Variants in ANK3 observed in about 807,000 individuals in gnomAD.
ANK3 encodes the protein ankyrin-3.
A neutral mutation model predicts 370.9 loss-of-function variants in ANK3; 57 were observed. The ratio of observed to expected loss-of-function variants is 0.15; its 90% CI spans 0.12 to 0.19. ANK3 has a LOEUF of 0.19. Ranked by LOEUF, ANK3 falls within the 10% of genes least tolerant of loss-of-function variation. ANK3 has a pLI of 1.00. For synonymous variants in ANK3, 1,929 were observed against 1,946.3 expected (o/e 0.99, Z 0.23); for missense variants, 4,439 against 5,302.1 (o/e 0.84, Z 5.06).
chr10:60,618,153 T>G (rs2078288942), intron 1 of ANK3, among the ~76,000 whole-genome samples: 1 of 152,138 alleles, frequency 6.6e-6, no homozygotes, highest in African/African-American at 2.4e-5. Flanking sequence ...GGGGCCTGAA[T>G]GCACACCCAC....
intron 21 of ANK3, among the ~76,000 whole-genome samples, chr10:60,170,748 CTCTG>C (rs138496464): frequency 0.013 from 1,978 of 152,274 alleles, 51 homozygotes; most frequent in African/African-American, 0.045. Context: ...TGAGACCCTT[CTCTG>C]TCTTTCAGTT....
At chr10:60,032,194 CTTTTTTTTTTTTTT>C (rs552219776) in intron 43 of ANK3, among the ~76,000 whole-genome samples, 1 of 43,114 alleles carries the variant, frequency 2.3e-5, no homozygotes, top group Non-Finnish European at 4.5e-5. Flanking sequence ...TACACAGCTT[CTTTTTTTTTTTTTT>C]TTTTTTTTTT....
chr10:60,384,832 C>G (rs2062029479), intron 1 of ANK3, among the ~76,000 whole-genome samples: 1 of 152,154 alleles, frequency 6.6e-6, no homozygotes, highest in African/African-American at 2.4e-5. Context: ...TGGCAGTTAT[C>G]CTAGAATCCG....
intron 1 of ANK3, among the ~76,000 whole-genome samples, chr10:60,311,836 C>T (rs1037978928): frequency 5.9e-5 from 9 of 152,162 alleles, no homozygotes; most frequent in Non-Finnish European, 1.2e-4. Context: ...TTCCTGGCCA[C>T]TCAATCTAAA....
At chr10:60,173,731 A>G (rs1035317697) in intron 18 of ANK3, among the ~76,000 whole-genome samples, 1 of 152,172 alleles carries the variant, frequency 6.6e-6, no homozygotes, top group African/African-American at 2.4e-5. Flanking sequence ...TGAACAAGGT[A>G]TATCAAGTTA....
At chr10:60,538,353 CA>C (rs1293078281) in intron 2 of ANK3, among the ~76,000 whole-genome samples, 1 of 151,836 alleles carries the variant, frequency 6.6e-6, no homozygotes, top group African/African-American at 2.4e-5. Context: ...TCTTAAAAGC[CA>C]AATCCTCCCA....
At chr10:60,496,075 A>G (rs1450443241) in intron 2 of ANK3, among the ~76,000 whole-genome samples, 2 of 151,808 alleles carry the variant, frequency 1.3e-5, no homozygotes, top group African/African-American at 4.8e-5. Flanking sequence ...CTGGTATATG[A>G]TGGAGCTCAA....
At chr10:60,465,377 A>G (rs181656061) in intron 2 of ANK3, among the ~76,000 whole-genome samples, 129 of 152,374 alleles carry the variant, frequency 8.5e-4, no homozygotes, top group African/African-American at 2.8e-3. Flanking sequence ...TCCCATGCAC[A>G]TTGCACAAAA....
At chr10:60,577,908 T>C (rs2077702765) in intron 2 of ANK3, among the ~76,000 whole-genome samples, 1 of 152,204 alleles carries the variant, frequency 6.6e-6, no homozygotes. Flanking sequence ...GTGTGGGGCA[T>C]AAGGTGAAGC....
intron 2 of ANK3, among the ~76,000 whole-genome samples, chr10:60,547,678 GAGAGAGACAGAGACAGAGAC>G (rs1451863996): frequency 5.3e-5 from 8 of 151,902 alleles, no homozygotes; most frequent in Admixed American, 1.3e-4. Flanking sequence ...GAGACAGAGA[GAGAGAGACAGAGACAGAGAC>G]AGAGAGACAG....
In ANK3 at chr10:60,122,338, A is replaced by T. The variant is rs563653263; in HGVS notation, c.2842-8007T>A. ...CAGTCTCCTCTTCTCTCCAAAGCCTACTTCTGCAAAGAGTGTGCCTGGCCT... is the reference window on the plus strand; with the variant it reads ...CAGTCTCCTCTTCTCTCCAAAGCCTTCTTCTGCAAAGAGTGTGCCTGGCCT... On this transcript the variant is annotated intron_variant, in intron 25 of 43. Transcript: ENST00000280772. Among the ~76,000 whole-genome samples, 21 of 152,350 alleles carry T rather than the reference A, an allele frequency of 1.4e-4. No individual in the cohort carries two copies. In the South Asian group the frequency reaches 4.4e-3, roughly 32 times the overall value.
chr10:60,396,399 T>A (rs900114544), intron 2 of ANK3, among the ~76,000 whole-genome samples: 1 of 152,192 alleles, frequency 6.6e-6, no homozygotes, highest in African/African-American at 2.4e-5. Flanking sequence ...GAAATTCATT[T>A]AATAGTGAAG....
At chr10:60,335,292 T>C (rs969405169) in intron 1 of ANK3, among the ~76,000 whole-genome samples, 1 of 151,930 alleles carries the variant, frequency 6.6e-6, no homozygotes, top group Non-Finnish European at 1.5e-5. Flanking sequence ...TCCAAGCAGC[T>C]AGAAAAAAAG....
chr10:60,291,843 G>T (rs977449172), intron 1 of ANK3, among the ~76,000 whole-genome samples: 1 of 151,896 alleles, frequency 6.6e-6, no homozygotes, highest in Non-Finnish European at 1.5e-5. Context: ...CTCCCTAGTA[G>T]CCAGGTCTAC....
intron 2 of ANK3, among the ~76,000 whole-genome samples, chr10:60,607,614 T>G (rs182030214): frequency 6.6e-6 from 1 of 152,300 alleles, no homozygotes; most frequent in Admixed American, 6.5e-5. Flanking sequence ...GGCTGACATC[T>G]TAATTGCTGA....
At chr10:60,086,911 G>T (rs1203651891) in intron 29 of ANK3, 27 bp from the exon 30 acceptor site, 26 of 1,217,968 alleles carry the variant, frequency 2.1e-5, no homozygotes, top group Non-Finnish European at 2.7e-5. Context: ...GACTTTAAAT[G>T]AAAGTGACTT....
Position 60,073,722 on chromosome 10 carries a change from C to T in ANK3, c.7159G>A (p.Glu2387Lys), listed in dbSNP as rs1278280590. 1.2e-6 allele frequency: 2 copies of T among 1,613,966 alleles called. No individual in the cohort carries two copies. Among genetic ancestry groups the T allele is most frequent in the Admixed American group, 1.7e-5 (1 of 59,998 alleles). Residue 2387 changes from glutamate (E) to lysine (K), a missense_variant, in exon 37 of 44, where the codon GAG becomes AAG. Around this residue, in one of 13 missense-constraint regions of ANK3, gnomAD observed 1,601 missense variants for 1,731.7 expected, o/e 0.92. Transcript: ENST00000280772. ...TCTTCTTCTTGCTGACCCTGTTCCT[C>T]TGAACAAGGAAAAGCATCGTGTTTT... ...PEKHDAFPCSEEQGQQEEEEL... is the reference protein window; with the variant it reads ...PEKHDAFPCSKEQGQQEEEEL...
chr10:60,574,569 C>T (rs2077659712), intron 2 of ANK3, among the ~76,000 whole-genome samples: 2 of 152,194 alleles, frequency 1.3e-5, no homozygotes, highest in African/African-American at 4.8e-5. Context: ...GCAAAATAAA[C>T]CTTTCAAGTT....
chr10:60,716,036 A>G (rs1175345997), intron 1 of ANK3, among the ~76,000 whole-genome samples: 1 of 152,232 alleles, frequency 6.6e-6, no homozygotes, highest in African/African-American at 2.4e-5. Flanking sequence ...AAGGTAATAC[A>G]CTATTGCTAC....
Sources: allele counts gnomAD v4.1 joint callset (sites outside exome capture counted in the v4.1 genomes callset), GRCh38; gene constraint gnomAD v4.1.1; regional missense constraint gnomAD v4.1.1; transcripts MANE v1.5; gene names NCBI Gene and HGNC (gene_info 2026-07-23, HGNC 2026-07-21).